CPNE4: variants seen among roughly 807,000 people sequenced by gnomAD.
The protein encoded by CPNE4 is copine-4.
In CPNE4, 25 loss-of-function variants were observed where a neutral mutation model predicts 67.9. The ratio of observed to expected loss-of-function variants is 0.37; its 90% confidence interval spans 0.27 to 0.51. The LOEUF (loss-of-function observed/expected upper bound fraction) is 0.51, where lower values mean the gene tolerates loss of function less well. Among genes scored for constraint, CPNE4 ranks in the 20% least tolerant of loss-of-function variants. The pLI, the probability that CPNE4 is intolerant of heterozygous loss-of-function variation, is 0.93. For synonymous variants in CPNE4, 242 were observed against 244.9 expected, an observed-to-expected ratio of 0.99 and a Z score of 0.11; for missense variants, 464 against 690.8, an observed-to-expected ratio of 0.67 and a Z score of 3.68.
chr3:131,671,067 C>T (rs576340867), intron 6 of CPNE4, among the ~76,000 whole-genome samples: 3 of 152,276 alleles, frequency 2.0e-5, no homozygotes, highest in South Asian at 2.1e-4. Context: ...GGATTACAAG[C>T]GTGAGCCACA....
intron 5 of CPNE4, among the ~76,000 whole-genome samples, chr3:131,695,620 A>G (rs12636134): frequency 1.3e-5 from 2 of 152,206 alleles, no homozygotes; most frequent in East Asian, 3.8e-4. Flanking sequence ...TGGGGAGATG[A>G]TGAAGGAGAA....
intron 2 of CPNE4, among the ~76,000 whole-genome samples, chr3:131,822,962 C>A (rs2085014760): frequency 6.6e-6 from 1 of 152,102 alleles, no homozygotes; most frequent in African/African-American, 2.4e-5. Flanking sequence ...CTTCAGCCTC[C>A]CAAGTAGCTG....
chr3:131,544,077 C>T (rs993425691), intron 14 of CPNE4, among the ~76,000 whole-genome samples: 3 of 152,160 alleles, frequency 2.0e-5, no homozygotes, highest in Non-Finnish European at 4.4e-5. Context: ...ACATGAGAGG[C>T]ATCATGATGG....
At chr3:131,640,598 G>A (rs1244718863) in intron 7 of CPNE4, among the ~76,000 whole-genome samples, 7 of 151,812 alleles carry the variant, frequency 4.6e-5, no homozygotes, top group Admixed American at 1.3e-4. Flanking sequence ...TGCCAAAAGC[G>A]ATCCACAAAT....
At chr3:131,675,670 T>C (rs2080538814) in intron 6 of CPNE4, among the ~76,000 whole-genome samples, 1 of 152,152 alleles carries the variant, frequency 6.6e-6, no homozygotes, top group Admixed American at 6.6e-5. Context: ...CATTTTTCCA[T>C]CCTTTTATTT....
At chr3:131,873,078 A>G (rs932211008) in intron 2 of CPNE4, among the ~76,000 whole-genome samples, 13 of 152,234 alleles carry the variant, frequency 8.5e-5, no homozygotes, top group Admixed American at 7.2e-4. Context: ...ATGGTCCTAC[A>G]TATCAACTTT....
At chr3:131,811,525 C>G (rs946474937) in intron 2 of CPNE4, among the ~76,000 whole-genome samples, 5 of 152,098 alleles carry the variant, frequency 3.3e-5, no homozygotes, top group African/African-American at 9.7e-5. Context: ...CTAGTACGAA[C>G]TGAAGCCTCT....
chr3:131,757,031 A>G (rs1489697747), intron 2 of CPNE4, among the ~76,000 whole-genome samples: 1 of 152,200 alleles, frequency 6.6e-6, no homozygotes, highest in Non-Finnish European at 1.5e-5. Flanking sequence ...TGTAAGTCCA[A>G]TTAAACCTCT....
At chr3:131,947,759 G>C (rs1195356205) in intron 1 of CPNE4, among the ~76,000 whole-genome samples, 1 of 152,094 alleles carries the variant, frequency 6.6e-6, no homozygotes, top group Non-Finnish European at 1.5e-5. Flanking sequence ...TCCAGTAATG[G>C]GATTGCTGGG....
intron 2 of CPNE4, among the ~76,000 whole-genome samples, chr3:131,760,759 C>A (rs1020072022): frequency 1.3e-5 from 2 of 152,154 alleles, no homozygotes; most frequent in Non-Finnish European, 2.9e-5. Context: ...CACTTAAATA[C>A]GTGACACTTT....
At chr3:131,639,816 C>T (rs1038488913) in intron 7 of CPNE4, among the ~76,000 whole-genome samples, 6 of 152,070 alleles carry the variant, frequency 3.9e-5, no homozygotes, top group African/African-American at 1.4e-4. Flanking sequence ...TCACCATTAT[C>T]AAGTGGGTTT....
chr3:131,991,819 A>AT (rs1333381020), intron 1 of CPNE4, among the ~76,000 whole-genome samples: 2 of 135,376 alleles, frequency 1.5e-5, no homozygotes, highest in African/African-American at 4.9e-5. Flanking sequence ...CAGCCTTAGG[A>AT]TATGGTACCC....
At chr3:131,789,183 G>C (rs1048769080) in intron 2 of CPNE4, among the ~76,000 whole-genome samples, 1 of 152,062 alleles carries the variant, frequency 6.6e-6, no homozygotes, top group Non-Finnish European at 1.5e-5. Flanking sequence ...AAATACTTAA[G>C]ATAATGGTTC....
intron 1 of CPNE4, among the ~76,000 whole-genome samples, chr3:131,928,911 A>G (rs925818127): frequency 9.9e-5 from 15 of 152,276 alleles, no homozygotes; most frequent in Admixed American, 4.6e-4. Context: ...GATATTTACC[A>G]TAAGTGAGGA....
intron 2 of CPNE4, among the ~76,000 whole-genome samples, chr3:131,745,933 T>C (rs2082477384): frequency 6.6e-6 from 1 of 152,146 alleles, no homozygotes; most frequent in Non-Finnish European, 1.5e-5. Flanking sequence ...CTTGCTGGTA[T>C]TTTTATAGAA....
At chr3:131,618,216 A>G (rs988783316) in intron 7 of CPNE4, among the ~76,000 whole-genome samples, 1 of 152,200 alleles carries the variant, frequency 6.6e-6, no homozygotes, top group African/African-American at 2.4e-5. Flanking sequence ...AGGCAGAGGC[A>G]GCTGTAAAAG....
chr3:131,614,931 CAG>C (rs143017251), intron 7 of CPNE4, among the ~76,000 whole-genome samples: 1 of 152,250 alleles, frequency 6.6e-6, no homozygotes, highest in African/African-American at 2.4e-5. Context: ...GCATTGTTCT[CAG>C]GGAAAATAGA....
chr3:131,578,346 G>T (rs565680605), intron 9 of CPNE4, among the ~76,000 whole-genome samples: 7 of 152,216 alleles, frequency 4.6e-5, no homozygotes, highest in African/African-American at 1.7e-4. Flanking sequence ...TAATTGATAA[G>T]TGTTGTGTGT....
At chr3:131,730,647 A>G (rs569352837) in intron 2 of CPNE4, among the ~76,000 whole-genome samples, 4 of 152,198 alleles carry the variant, frequency 2.6e-5, no homozygotes, top group Non-Finnish European at 5.9e-5. Context: ...AAATTTTGAC[A>G]CAGACATGAA....
Sources: allele counts gnomAD v4.1 joint callset (sites outside exome capture counted in the v4.1 genomes callset), GRCh38; gene constraint gnomAD v4.1.1; transcripts MANE v1.5; gene names NCBI Gene and HGNC (gene_info 2026-07-23, HGNC 2026-07-21).